TRIM5: variants seen among roughly 807,000 people sequenced by gnomAD.
TRIM5 encodes tripartite motif containing 5, also known as tripartite motif-containing protein 5.
TRIM5 carries 31 observed loss-of-function variants against 35.6 expected under a neutral mutation model. The observed-to-expected ratio is 0.87, with a 90% CI of 0.65 to 1.18. TRIM5 has a LOEUF of 1.18. Among genes scored for constraint, TRIM5 ranks in the 50% most tolerant of loss-of-function variants. The probability of loss-of-function intolerance (pLI) is 0.00; values close to 1 mark genes in which losing one functional copy is unlikely to be tolerated. For missense variants in TRIM5, 609 were observed against 591.6 expected (o/e 1.03, Z -0.31); for synonymous variants, 243 against 215.6 (o/e 1.13, Z -1.11).
chr11:5,588,776 C>G, the TRIM5 span: 3 of 85,096 alleles, frequency 3.5e-5, no homozygotes, highest in African/African-American at 1.3e-4. Flanking sequence ...TTCTACCTGC[C>G]CACAGATTTT....
the TRIM5 span, among the ~76,000 whole-genome samples, chr11:5,599,259 C>T: frequency 6.6e-6 from 1 of 152,018 alleles, no homozygotes; most frequent in Admixed American, 6.5e-5. Flanking sequence ...GGCAGTAGTT[C>T]TCCTTCAAGA....
chr11:5,672,384 G>A (rs1851646087), intron 4 of TRIM5, among the ~76,000 whole-genome samples: 1 of 151,966 alleles, frequency 6.6e-6, no homozygotes, highest in Non-Finnish European at 1.5e-5. Context: ...GCTAATTTTT[G>A]TATTTTTAGT....
At chr11:5,610,475 G>A in the TRIM5 span, 1 of 1,613,182 alleles carries the variant, frequency 6.2e-7, no homozygotes, top group East Asian at 2.2e-5. Flanking sequence ...TAAGGAGAGA[G>A]ATACCAGACA....
chr11:5,627,692 T>G, the TRIM5 span, among the ~76,000 whole-genome samples: 4 of 152,126 alleles, frequency 2.6e-5, no homozygotes, highest in African/African-American at 9.7e-5. Context: ...AAGCAAGAAC[T>G]CAGTGCACAG....
intron 4 of TRIM5, among the ~76,000 whole-genome samples, chr11:5,669,668 A>C (rs996580302): frequency 4.6e-5 from 7 of 152,198 alleles, no homozygotes; most frequent in African/African-American, 1.7e-4. Context: ...AATTTCAGTC[A>C]CAGCTGAATT....
the TRIM5 span, among the ~76,000 whole-genome samples, chr11:5,607,826 G>T: frequency 6.6e-6 from 1 of 152,128 alleles, no homozygotes; most frequent in Non-Finnish European, 1.5e-5. Context: ...ATATTTGCTG[G>T]TGTATATATT....
At chr11:5,641,234 G>C in the TRIM5 span, 10 of 1,613,368 alleles carry the variant, frequency 6.2e-6, no homozygotes, top group East Asian at 2.0e-4. Flanking sequence ...TTATAAAGAA[G>C]TGTTTGTAGC....
At chr11:5,661,413 T>A (rs1850822263), downstream of TRIM5, among the ~76,000 whole-genome samples, 1 of 152,196 alleles carries the variant, frequency 6.6e-6, no homozygotes, top group South Asian at 2.1e-4. Context: ...TGCTTCTTCG[T>A]ATTCTTTGTC....
intron 2 of TRIM5, 82 bp downstream of exon 2, chr11:5,679,679 G>T: frequency 7.2e-7 from 1 of 1,397,802 alleles, no homozygotes; most frequent in East Asian, 2.3e-5. Context: ...TCATGACAAG[G>T]CAGTTAATGT....
the TRIM5 span, among the ~76,000 whole-genome samples, chr11:5,646,163 T>C: frequency 6.6e-6 from 1 of 151,482 alleles, no homozygotes; most frequent in African/African-American, 2.4e-5. Context: ...ACCACCCTCA[T>C]GTTTCTTCCC....
At chr11:5,609,050 A>G in the TRIM5 span, among the ~76,000 whole-genome samples, 1 of 151,798 alleles carries the variant, frequency 6.6e-6, no homozygotes, top group African/African-American at 2.4e-5. Context: ...CTTGCTCCCT[A>G]GTAGATTTTC....
At chr11:5,599,397 A>ATTTATTTATTTG in the TRIM5 span, among the ~76,000 whole-genome samples, 1 of 150,750 alleles carries the variant, frequency 6.6e-6, no homozygotes, top group African/African-American at 2.4e-5. Context: ...TTATTTATTT[A>ATTTATTTATTTG]TTTATTTATT....
the TRIM5 span, chr11:5,603,206 T>C: frequency 6.3e-7 from 1 of 1,589,732 alleles, no homozygotes; most frequent in Non-Finnish European, 8.6e-7. Flanking sequence ...TCTCCCTCCT[T>C]TCTTACCCTG....
At chr11:5,641,208 G>C in the TRIM5 span, 1 of 1,613,900 alleles carries the variant, frequency 6.2e-7, no homozygotes, top group Non-Finnish European at 8.5e-7. Flanking sequence ...GGGTGGCCAG[G>C]AGTGGTGCTT....
downstream of TRIM5, among the ~76,000 whole-genome samples, chr11:5,661,133 A>G (rs138803361): frequency 0.015 from 2,236 of 144,766 alleles, 52 homozygotes; most frequent in African/African-American, 0.053. Flanking sequence ...TAACTTATGT[A>G]TCTTATTGAT....
chr11:5,628,308 G>C, the TRIM5 span, among the ~76,000 whole-genome samples: 1 of 152,310 alleles, frequency 6.6e-6, no homozygotes, highest in South Asian at 2.1e-4. Context: ...AGATAACAAA[G>C]AACCCCACAT....
chr11:5,678,987 AT>A (rs2134112512), intron 3 of TRIM5, 86 bp downstream of exon 3: 1 of 1,091,328 alleles, frequency 9.2e-7, no homozygotes, highest in East Asian at 2.4e-5. Context: ...GACTTATCAA[AT>A]GTCAGGGAAT....
the TRIM5 span, chr11:5,605,163 G>A: frequency 1.2e-6 from 1 of 843,500 alleles, no homozygotes; most frequent in Non-Finnish European, 1.9e-6. Flanking sequence ...AGAGCTGAAG[G>A]GAGAAAAGAA....
chr11:5,618,928 T>C, the TRIM5 span, among the ~76,000 whole-genome samples: 1 of 152,230 alleles, frequency 6.6e-6, no homozygotes, highest in Non-Finnish European at 1.5e-5. Flanking sequence ...TGTAGCATGA[T>C]AAGGACAAGC....
Sources: gnomAD v4.1 joint callset for allele counts (sites outside exome capture counted in the v4.1 genomes callset) on GRCh38, gnomAD v4.1.1 for gene constraint, MANE v1.5 for transcripts, NCBI Gene and HGNC (gene_info 2026-07-23, HGNC 2026-07-21) for gene names.